GAB2: variants seen among roughly 807,000 people sequenced by gnomAD.
The protein encoded by GAB2 is GRB2-associated-binding protein 2.
GAB2 carries 26 observed loss-of-function variants against 65.5 expected under a neutral mutation model. The ratio of observed to expected loss-of-function variants is 0.40; its 90% CI spans 0.29 to 0.55. GAB2 has a LOEUF of 0.55. Among genes scored for constraint, GAB2 ranks in the 20% least tolerant of loss-of-function variants. The probability of loss-of-function intolerance (pLI) is 0.53; values close to 1 mark genes in which losing one functional copy is unlikely to be tolerated. For missense variants in GAB2, 884 were observed against 875.8 expected, an observed-to-expected ratio of 1.01 and a Z score of -0.12; for synonymous variants, 321 against 329.6, an observed-to-expected ratio of 0.97 and a Z score of 0.28.
chr11:78,417,303 G>A (rs1857211028), intron 1 of GAB2, among the ~76,000 whole-genome samples: 3 of 151,922 alleles, frequency 2.0e-5, no homozygotes, highest in Admixed American at 1.3e-4. Flanking sequence ...CTGCCGCGGA[G>A]CCCCAGCCCC....
chr11:78,320,689 TAC>T (rs35783812), intron 1 of GAB2, among the ~76,000 whole-genome samples: 83,157 of 149,796 alleles, frequency 0.56, 27,355 homozygotes, highest in Non-Finnish European at 0.76. Flanking sequence ...TAGCTATGAT[TAC>T]AGGTGTGCAT....
In GAB2 at chr11:78,226,620, G is replaced by GGGGGGCC; in HGVS notation, c.1051_1052insGGCCCCC (p.Pro351ArgfsTer29). 2 of 1,500,554 alleles carry GGGGGGCC rather than the reference G, an allele frequency of 1.3e-6. No homozygotes were observed. Among genetic ancestry groups the GGGGGGCC allele is most frequent in the Non-Finnish European group, 1.9e-6 (2 of 1,079,026 alleles). The allele number at this position is 1,500,554 out of a possible 1,614,324, so 93.0% of individuals were successfully genotyped here. ...ACTTGGCTTGGGGGGGCGGGGTGGG[G>GGGGGGCC]GAGCTATGGCTGAGTCCCCAGGAGT... On this transcript the variant is annotated frameshift_variant, in exon 4 of 10. Coordinates refer to ENST00000361507, the MANE Select transcript of GAB2 (RefSeq NM_080491.3). LOFTEE classifies it high-confidence loss of function.
At position 78,282,733 on chromosome 11, in the gene GAB2, A is replaced by C. The variant is rs569568163; in HGVS notation, c.76-1832T>G. On this transcript the variant is annotated intron_variant, in intron 1 of 9. Transcript: ENST00000361507. ...TAGGGTTATTATGTGAGCCCAAAGC[A>C]CTTTGTATACACCCTGAAGCACTAC... Among the ~76,000 whole-genome samples, 27 of 152,280 alleles carry C rather than the reference A, an allele frequency of 1.8e-4. No homozygotes were observed. The South Asian group carries it at 5.2e-3, about 29-fold the overall frequency.
chr11:78,335,656 A>C (rs937278963), intron 1 of GAB2, among the ~76,000 whole-genome samples: 24 of 152,090 alleles, frequency 1.6e-4, no homozygotes, highest in African/African-American at 5.8e-4. Flanking sequence ...CTGTAGTATA[A>C]TTTGAAGTGG....
At chr11:78,410,011 C>T (rs1008932363) in intron 1 of GAB2, among the ~76,000 whole-genome samples, 1 of 151,940 alleles carries the variant, frequency 6.6e-6, no homozygotes, top group Non-Finnish European at 1.5e-5. Context: ...AAACAATGTA[C>T]TTGTAAATAA....
At chr11:78,358,822 T>C (rs949179068) in intron 1 of GAB2, among the ~76,000 whole-genome samples, 1 of 152,062 alleles carries the variant, frequency 6.6e-6, no homozygotes, top group Non-Finnish European at 1.5e-5. Context: ...ACTTCACATG[T>C]TGGAATTAGA....
At chr11:78,319,632 T>G (rs1855683269) in intron 1 of GAB2, among the ~76,000 whole-genome samples, 1 of 152,240 alleles carries the variant, frequency 6.6e-6, no homozygotes, top group Non-Finnish European at 1.5e-5. Flanking sequence ...CAAGATCTGC[T>G]ATAAAAATAA....
intron 2 of GAB2, among the ~76,000 whole-genome samples, chr11:78,275,684 TAATAA>T (rs1366414818): frequency 2.6e-5 from 4 of 152,202 alleles, no homozygotes; most frequent in African/African-American, 7.2e-5. Context: ...ACTAGACATC[TAATAA>T]AATAATTCCT....
At chr11:78,388,514 G>A (rs1856796317) in intron 1 of GAB2, among the ~76,000 whole-genome samples, 1 of 151,896 alleles carries the variant, frequency 6.6e-6, no homozygotes, top group African/African-American at 2.4e-5. Context: ...TTTTTGTAGA[G>A]ACAGTGTCTT....
intron 3 of GAB2, among the ~76,000 whole-genome samples, chr11:78,239,166 C>T (rs1375220896): frequency 6.6e-6 from 1 of 151,622 alleles, no homozygotes; most frequent in African/African-American, 2.4e-5. Flanking sequence ...GTCCCCCTCA[C>T]AAAGACAGGC....
intron 1 of GAB2, among the ~76,000 whole-genome samples, chr11:78,324,443 A>G (rs1358208736): frequency 6.6e-6 from 1 of 152,218 alleles, no homozygotes; most frequent in East Asian, 1.9e-4. Context: ...TTAAATATTT[A>G]ACATTCCACT....
At position 78,342,729 on chromosome 11, in the gene GAB2, C is replaced by T. The variant is rs539715759; in HGVS notation, c.76-61828G>A. Among the ~76,000 whole-genome samples, 6 of 152,224 alleles carry T rather than the reference C, an allele frequency of 3.9e-5. No individual in the cohort carries two copies. In the East Asian group the frequency reaches 9.7e-4, roughly 25 times the overall value. ...GGCCTGCACTTCTTGTTAGATATCA[C>T]AAAAAGACTTGTGTGGTAGCTTCTT... On this transcript the variant is annotated intron_variant, in intron 1 of 9. Transcript: ENST00000361507.
At chr11:78,322,616 A>C (rs1855747495) in intron 1 of GAB2, among the ~76,000 whole-genome samples, 3 of 152,040 alleles carry the variant, frequency 2.0e-5, no homozygotes, top group African/African-American at 7.2e-5. Flanking sequence ...TCAATAAAAA[A>C]CACAAATAAT....
At chr11:78,407,633 CAAAGAAAG>C (rs1166069461) in intron 1 of GAB2, among the ~76,000 whole-genome samples, 3 of 93,302 alleles carry the variant, frequency 3.2e-5, no homozygotes, top group African/African-American at 3.5e-5. Context: ...AACTCCTTCT[CAAAGAAAG>C]AAAGAAAGAA....
intron 3 of GAB2, among the ~76,000 whole-genome samples, chr11:78,228,912 T>C (rs1358053893): frequency 6.6e-6 from 1 of 152,208 alleles, no homozygotes; most frequent in Non-Finnish European, 1.5e-5. Flanking sequence ...TTTGCTTTTT[T>C]TGGAATTTCC....
chr11:78,383,581 C>CAAAAAAAAAAAAAAAAAAAAAAAAA (rs534814220), intron 1 of GAB2, among the ~76,000 whole-genome samples: 42 of 55,552 alleles, frequency 7.6e-4, no homozygotes, highest in African/African-American at 1.3e-3. Context: ...CCTGTCTCTC[C>CAAAAAAAAAAAAAAAAAAAAAAAAA]AAAAAAAAAA....
chr11:78,317,325 A>G (rs926767328), intron 1 of GAB2, among the ~76,000 whole-genome samples: 1 of 152,170 alleles, frequency 6.6e-6, no homozygotes, highest in Non-Finnish European at 1.5e-5. Flanking sequence ...GCACTTTGGG[A>G]GCCAAGGTGG....
Position 78,346,721 on chromosome 11 carries a change from A to ATAT in GAB2, c.76-65821_76-65820insATA, listed in dbSNP as rs1491548868. Among the ~76,000 whole-genome samples, 129 of 34,524 alleles carry ATAT rather than the reference A, an allele frequency of 3.7e-3. 2 individuals are homozygous for ATAT. The highest frequency in any genetic ancestry group is 0.016 in the South Asian group (18 of 1,094). 22.6% of individuals were successfully genotyped at this position (34,524 alleles called of 152,430 possible). ...TATATATATATATATATATATATATAATTTTTTTTTTTTTTAGGAAAAGAA... is the reference window on the plus strand; with the variant it reads ...TATATATATATATATATATATATATATATATTTTTTTTTTTTTTAGGAAAAGAA... On this transcript the variant is annotated intron_variant, in intron 1 of 9. Transcript: ENST00000361507.
intron 3 of GAB2, among the ~76,000 whole-genome samples, chr11:78,234,503 T>C (rs1464585700): frequency 6.6e-6 from 1 of 151,528 alleles, no homozygotes; most frequent in Admixed American, 6.6e-5. Flanking sequence ...AATGTCAAGC[T>C]GTTTCAGCAT....
Sources: gnomAD v4.1 joint callset for allele counts (sites outside exome capture counted in the v4.1 genomes callset) on GRCh38, gnomAD v4.1.1 for gene constraint, MANE v1.5 for transcripts, NCBI Gene and HGNC (gene_info 2026-07-23, HGNC 2026-07-21) for gene names.